The following DGLUCY variants were observed in gnomAD, a reference collection of about 807,000 sequenced individuals.
DGLUCY encodes the protein D-glutamate cyclase, mitochondrial.
A neutral mutation model predicts 58.5 loss-of-function variants in DGLUCY; 58 were observed. That is an observed-to-expected ratio of 0.99 (90% CI 0.80 to 1.23). The LOEUF (loss-of-function observed/expected upper bound fraction) is 1.23. DGLUCY is among the 50% of genes most tolerant of loss of function. DGLUCY has a pLI of 0.00. For synonymous variants in DGLUCY, 325 were observed against 314.1 expected (o/e 1.03, Z -0.37); for missense variants, 779 against 784.7 (o/e 0.99, Z 0.09).
intron 1 of DGLUCY, among the ~76,000 whole-genome samples, chr14:91,073,527 GT>G (rs1304429928): frequency 6.6e-6 from 1 of 152,152 alleles, no homozygotes. Flanking sequence ...TAGAGACAGG[GT>G]TTTGCCATAT....
At chr14:91,073,996 C>T (rs1186642161) in intron 1 of DGLUCY, among the ~76,000 whole-genome samples, 1 of 150,808 alleles carries the variant, frequency 6.6e-6, no homozygotes, top group Non-Finnish European at 1.5e-5. Flanking sequence ...TGGCTCACAC[C>T]TATAATCCCA....
chr14:91,086,672 A>G (rs768181), intron 1 of DGLUCY, among the ~76,000 whole-genome samples: 40,680 of 152,076 alleles, frequency 0.27, 6,265 homozygotes, highest in African/African-American at 0.42. Flanking sequence ...ACTGTATTTT[A>G]TACCTGTTCA....
At chr14:91,102,743 ATGTGTGTGTGTG>A (rs548653144) in intron 1 of DGLUCY, among the ~76,000 whole-genome samples, 3 of 130,584 alleles carry the variant, frequency 2.3e-5, no homozygotes, top group East Asian at 2.3e-4. Flanking sequence ...TCCAGTGTGT[ATGTGTGTGTGTG>A]TGTGTGTGTG....
chr14:91,136,894 G>A (rs559709278), intron 1 of DGLUCY, among the ~76,000 whole-genome samples: 4 of 152,192 alleles, frequency 2.6e-5, no homozygotes, highest in Non-Finnish European at 4.4e-5. Context: ...GCTTGAACCC[G>A]GGAGGTGGAG....
intron 11 of DGLUCY, among the ~76,000 whole-genome samples, chr14:91,201,810 TG>T (rs1366284404): frequency 6.6e-6 from 1 of 151,880 alleles, no homozygotes; most frequent in Non-Finnish European, 1.5e-5. Flanking sequence ...TCCAGCACTT[TG>T]GGAGGCTGAG....
intron 1 of DGLUCY, among the ~76,000 whole-genome samples, chr14:91,130,794 A>T (rs1296589492): frequency 3.3e-5 from 5 of 151,842 alleles, no homozygotes; most frequent in Non-Finnish European, 7.4e-5. Flanking sequence ...AACAGTGCAT[A>T]ATCTTTTCAT....
chr14:91,083,907 A>G (rs984465917), intron 1 of DGLUCY, among the ~76,000 whole-genome samples: 22 of 151,784 alleles, frequency 1.4e-4, no homozygotes, highest in Non-Finnish European at 2.5e-4. Context: ...TCTCATCTCC[A>G]TTCTCTGCTT....
intron 8 of DGLUCY, among the ~76,000 whole-genome samples, chr14:91,182,983 TA>T (rs1766945942): frequency 6.6e-6 from 1 of 151,228 alleles, no homozygotes; most frequent in South Asian, 2.1e-4. Context: ...TAGTTTAGTT[TA>T]TTTATTTTAT....
rs1243994432 is a variant in DGLUCY at position 91,225,162 on chromosome 14, T to C, written c.*329T>C. 5.3e-6 allele frequency: 1 copy of C among 187,666 alleles called. No individual in the cohort carries two copies. Among genetic ancestry groups the C allele is most frequent in the East Asian group, 1.3e-4 (1 of 7,492 alleles). 11.6% of individuals were successfully genotyped at this position (187,666 alleles called of 1,614,324 possible). On this transcript the variant is annotated 3_prime_UTR_variant, in exon 14 of 14. Transcript: ENST00000256324. ...TCTCGACAGTTACTTATGGGGACAC[T>C]TGTGAACAATTAACTGCCAGGCAGA...
In DGLUCY at chr14:91,160,417, TAA is replaced by T. The variant is rs34785372; in HGVS notation, c.103+43_103+44del. On this transcript the variant is annotated intron_variant, in intron 3 of 13. Coordinates refer to ENST00000256324, the MANE Select transcript of DGLUCY (RefSeq NM_001102368.3). ...CTGGAGGTAAGTGGTGCCAGATAGT[TAA>T]AAAAAAAAAAAAAAAAAAAAAAGAA... The T allele has an allele frequency of 0.21, 117,441 of 568,030 alleles. 83 individuals are homozygous for T. Among genetic ancestry groups the T allele is most frequent in the Non-Finnish European group, 0.22 (84,826 of 386,584 alleles). 35.2% of individuals were successfully genotyped at this position (568,030 alleles called of 1,614,324 possible).
intron 1 of DGLUCY, among the ~76,000 whole-genome samples, chr14:91,074,544 T>C (rs2043987549): frequency 6.6e-6 from 1 of 152,020 alleles, no homozygotes; most frequent in African/African-American, 2.4e-5. Context: ...CTCTCTGACA[T>C]CTACCTCCCA....
intron 1 of DGLUCY, among the ~76,000 whole-genome samples, chr14:91,094,447 A>G (rs952229097): frequency 1.3e-5 from 2 of 150,990 alleles, no homozygotes; most frequent in Non-Finnish European, 3.0e-5. Flanking sequence ...AAAAAAAAAA[A>G]GCAACTACAG....
In DGLUCY at chr14:91,199,803, G is replaced by A. The variant is rs1452838795; in HGVS notation, c.1342G>A (p.Gly448Ser). 1.2e-6 allele frequency: 2 copies of A among 1,614,174 alleles called. No homozygotes were observed. Among genetic ancestry groups the A allele is most frequent in the South Asian group, 2.2e-5 (2 of 91,078 alleles). ...AGAGCGTGCCGGAAGAGCTGCTGAT[G>A]GCAATTACTACAATGCAAGGAAGAT... The part of the protein sequence containing the change: ...AIERAGRAAD[G>S]NYYNARKMNI... Residue 448 changes from glycine (G) to serine (S), a missense_variant, in exon 11 of 14, where the codon GGC (glycine) becomes AGC (serine). Transcript: ENST00000256324.
At chr14:91,086,315 A>G (rs753082060) in intron 1 of DGLUCY, among the ~76,000 whole-genome samples, 8 of 152,284 alleles carry the variant, frequency 5.3e-5, no homozygotes, top group South Asian at 4.1e-4. Context: ...TCCCCAAACC[A>G]TCCCCGACCC....
chr14:91,116,644 A>C (rs569432569), intron 1 of DGLUCY, among the ~76,000 whole-genome samples: 101 of 152,254 alleles, frequency 6.6e-4, no homozygotes, highest in African/African-American at 2.1e-3. Context: ...AAGCAAGTTT[A>C]TTAAGAAAGT....
intron 1 of DGLUCY, among the ~76,000 whole-genome samples, chr14:91,069,799 C>CTTTTTTTTTTTTTTTTTTTTTTTTTTTT (rs5810528): frequency 8.3e-6 from 1 of 121,038 alleles, no homozygotes; most frequent in Admixed American, 8.9e-5. Context: ...TGATATGCCT[C>CTTTTTTTTTTTTTTTTTTTTTTTTTTTT]TTTTTTTTTT....
At chr14:91,198,898 T>G (rs1025258469) in intron 10 of DGLUCY, among the ~76,000 whole-genome samples, 1 of 152,174 alleles carries the variant, frequency 6.6e-6, no homozygotes, top group African/African-American at 2.4e-5. Context: ...CAGGAGGACC[T>G]GGAATCAGAA....
intron 1 of DGLUCY, chr14:91,128,803 A>C (rs2045867889): frequency 6.6e-6 from 1 of 151,824 alleles, no homozygotes; most frequent in Non-Finnish European, 1.5e-5. Flanking sequence ...CTCTGAATGG[A>C]CTCGCTTGGG....
At chr14:91,131,026 C>A (rs2045997552) in intron 1 of DGLUCY, among the ~76,000 whole-genome samples, 1 of 152,136 alleles carries the variant, frequency 6.6e-6, no homozygotes, top group Non-Finnish European at 1.5e-5. Flanking sequence ...TGACTTACTG[C>A]AGCCTCAACC....
Sources: gnomAD v4.1 joint callset for allele counts (sites outside exome capture counted in the v4.1 genomes callset) on GRCh38, gnomAD v4.1.1 for gene constraint, MANE v1.5 for transcripts, NCBI Gene and HGNC (gene_info 2026-07-23, HGNC 2026-07-21) for gene names.